Variants in B3GALNT2 observed in about 807,000 individuals in gnomAD.
The protein encoded by B3GALNT2 is UDP-GalNAc:beta-1,3-N-acetylgalactosaminyltransferase 2.
Under a neutral mutation model 61.1 loss-of-function variants are expected in B3GALNT2, and 53 were observed. The ratio of observed to expected loss-of-function variants is 0.87; its 90% CI spans 0.70 to 1.09. The LOEUF (loss-of-function observed/expected upper bound fraction) is 1.09, where lower values mean the gene tolerates loss of function less well. Ranked by LOEUF, B3GALNT2 falls within the 50% of genes least tolerant of loss-of-function variation. The pLI, the probability that B3GALNT2 is intolerant of heterozygous loss-of-function variation, is 0.00. For synonymous variants in B3GALNT2, 223 were observed against 237.4 expected (o/e 0.94, Z 0.56); for missense variants, 544 against 623.0 (o/e 0.87, Z 1.35).
At chr1:235,501,345 T>C (rs1572569519) in intron 1 of B3GALNT2, among the ~76,000 whole-genome samples, 1 of 152,218 alleles carries the variant, frequency 6.6e-6, no homozygotes, top group Admixed American at 6.5e-5. Flanking sequence ...TTGCTGACTC[T>C]GGTACTAAGG....
chr1:235,488,584 T>G (rs1305356729), intron 3 of B3GALNT2, among the ~76,000 whole-genome samples: 1 of 148,176 alleles, frequency 6.7e-6, no homozygotes, highest in Non-Finnish European at 1.5e-5. Flanking sequence ...TAAGAGAGGC[T>G]GAGGCAGGAG....
chr1:235,480,212 G>A, intron 4 of B3GALNT2, 63 bp from the exon 5 acceptor site: 1 of 1,587,164 alleles, frequency 6.3e-7, no homozygotes. Context: ...TATGCAAAAA[G>A]TTTTCAAACA....
In B3GALNT2 at chr1:235,449,089, C is replaced by CTGTCATAAGACTAGTTT. The variant is rs1368342958; in HGVS notation, c.*1100_*1116dup. 6 of 309,640 alleles carry CTGTCATAAGACTAGTTT rather than the reference C, an allele frequency of 1.9e-5. No homozygotes were observed. Among genetic ancestry groups the CTGTCATAAGACTAGTTT allele is most frequent in the African/African-American group, 1.1e-4 (5 of 44,538 alleles). The allele number at this position is 309,640 out of a possible 1,614,324, so 19.2% of individuals were successfully genotyped here. A position where few individuals can be genotyped will look rare whatever the true frequency, so the allele number is the denominator to read the frequency against. On this transcript the variant is annotated 3_prime_UTR_variant, in exon 12 of 12. Transcript: ENST00000366600. ...AATAAAATCTGAACACAGTTAATAT[C>CTGTCATAAGACTAGTTT]TGTCATAAGACTAGTTTTAATGGAA...
intron 11 of B3GALNT2, among the ~76,000 whole-genome samples, 195 bp downstream of exon 11, chr1:235,452,895 T>G (rs1408880144): frequency 3.3e-5 from 5 of 152,154 alleles, no homozygotes; most frequent in Non-Finnish European, 5.9e-5. Context: ...AAGGAAATGC[T>G]CACTGAAGCA....
At chr1:235,493,079 A>C (rs1226331904) in intron 2 of B3GALNT2, among the ~76,000 whole-genome samples, 2 of 152,334 alleles carry the variant, frequency 1.3e-5, no homozygotes, top group East Asian at 3.9e-4. Flanking sequence ...GGTCAAAGGT[A>C]GAAGCAGTAA....
intron 9 of B3GALNT2, among the ~76,000 whole-genome samples, chr1:235,455,126 T>C (rs1181999094): frequency 1.4e-5 from 2 of 147,448 alleles, no homozygotes; most frequent in Admixed American, 1.3e-4. Flanking sequence ...AATATAAAAT[T>C]TATTATTATT....
intron 2 of B3GALNT2, among the ~76,000 whole-genome samples, chr1:235,490,636 C>G (rs1288636800): frequency 6.6e-6 from 1 of 152,228 alleles, no homozygotes; most frequent in Non-Finnish European, 1.5e-5. Context: ...CCTGCTACTA[C>G]TGGCTTCTGG....
chr1:235,471,789 C>A (rs1347919723), intron 5 of B3GALNT2, among the ~76,000 whole-genome samples: 1 of 152,148 alleles, frequency 6.6e-6, no homozygotes, highest in African/African-American at 2.4e-5. Context: ...CAGCCTCCCG[C>A]GTAGCTGGGA....
At chr1:235,483,064 T>C (rs1271187529) in intron 4 of B3GALNT2, among the ~76,000 whole-genome samples, 1 of 151,638 alleles carries the variant, frequency 6.6e-6, no homozygotes, top group Non-Finnish European at 1.5e-5. Flanking sequence ...ATAGAAACAG[T>C]AAAAAAGAAC....
intron 6 of B3GALNT2, among the ~76,000 whole-genome samples, chr1:235,470,331 C>T (rs1347754541): frequency 6.6e-6 from 1 of 152,044 alleles, no homozygotes; most frequent in African/African-American, 2.4e-5. Context: ...GTGGCTCATG[C>T]CTGTAATACA....
At chr1:235,501,757 A>AG (rs1558447715) in intron 1 of B3GALNT2, among the ~76,000 whole-genome samples, 3 of 152,128 alleles carry the variant, frequency 2.0e-5, no homozygotes, top group Admixed American at 6.6e-5. Flanking sequence ...GCAGCAGAAG[A>AG]GAAAAAAAAA....
At chr1:235,463,999 T>G (rs530131843) in intron 7 of B3GALNT2, 1 of 152,364 alleles carries the variant, frequency 6.6e-6, no homozygotes, top group South Asian at 2.1e-4. Context: ...GTCACTGATT[T>G]TCAACAAATG....
intron 6 of B3GALNT2, among the ~76,000 whole-genome samples, chr1:235,466,736 TTTA>T (rs1294006066): frequency 2.6e-5 from 4 of 152,214 alleles, no homozygotes; most frequent in African/African-American, 7.2e-5. Context: ...TGGAGAATCT[TTTA>T]TTATTAAAGA....
At chr1:235,474,559 C>T (rs953874188) in intron 5 of B3GALNT2, among the ~76,000 whole-genome samples, 1 of 152,052 alleles carries the variant, frequency 6.6e-6, no homozygotes. Flanking sequence ...GTGGCTCACA[C>T]CTGTAATCCC....
At chr1:235,446,331 C>T (rs1173801536), downstream of B3GALNT2, among the ~76,000 whole-genome samples, 1 of 152,104 alleles carries the variant, frequency 6.6e-6, no homozygotes, top group African/African-American at 2.4e-5. Flanking sequence ...TGCCCGCCAC[C>T]ATGCCTGGCT....
Position 235,504,388 on chromosome 1 carries a change from G to A in B3GALNT2, c.-136C>T, listed in dbSNP as rs1262067297. 9.8e-7 allele frequency: 1 copy of A among 1,019,814 alleles called. No homozygotes were observed. The highest frequency in any genetic ancestry group is 1.9e-5 in the South Asian group (1 of 51,366). 63.2% of individuals were successfully genotyped at this position (1,019,814 alleles called of 1,614,324 possible). Reference sequence around the variant, plus strand: ...CCCGCCCTCGCGCTCGGCGACGTCTGGGGGGCTCCTCGCAGCTCCCGGCCC... The same window carrying A: ...CCCGCCCTCGCGCTCGGCGACGTCTAGGGGGCTCCTCGCAGCTCCCGGCCC... On this transcript the variant is annotated 5_prime_UTR_variant, in exon 1 of 12. Transcript: ENST00000366600.
intron 7 of B3GALNT2, chr1:235,465,330 T>C (rs1318195617): frequency 1.4e-5 from 4 of 275,984 alleles, no homozygotes; most frequent in Middle Eastern, 1.2e-3. Context: ...TTTCCATTTA[T>C]GTGAAATGTT....
At chr1:235,489,416 G>A in intron 2 of B3GALNT2, 148 bp from the exon 3 acceptor site, 1 of 1,310,168 alleles carries the variant, frequency 7.6e-7, no homozygotes, top group Non-Finnish European at 1.0e-6. Flanking sequence ...CAGACAAAAT[G>A]GGGGAACAAG....
At chr1:235,442,053 G>T in the B3GALNT2 span, among the ~76,000 whole-genome samples, 1 of 151,266 alleles carries the variant, frequency 6.6e-6, no homozygotes, top group Non-Finnish European at 1.5e-5. Context: ...TGTCTCCCAG[G>T]CTGGAGTGCA....
Sources: gnomAD v4.1 joint callset for allele counts (sites outside exome capture counted in the v4.1 genomes callset) on GRCh38, gnomAD v4.1.1 for gene constraint, MANE v1.5 for transcripts, NCBI Gene and HGNC (gene_info 2026-07-23, HGNC 2026-07-21) for gene names.